UQCC6: variants seen among roughly 807,000 people sequenced by gnomAD.
UQCC6 encodes the protein protein BRAWNIN.
chr12:103,950,385 C>T, the UQCC6 span: 1 of 152,252 alleles, frequency 6.6e-6, no homozygotes, highest in Non-Finnish European at 1.5e-5. Context: ...GACAGTGTCC[C>T]TAAACCCCAT....
At chr12:103,961,380 G>A in the UQCC6 span, among the ~76,000 whole-genome samples, 3 of 152,150 alleles carry the variant, frequency 2.0e-5, no homozygotes, top group African/African-American at 7.2e-5. Flanking sequence ...AATAAACTTA[G>A]TGTAGCCTAG....
the UQCC6 span, chr12:103,951,543 G>C: frequency 6.5e-7 from 1 of 1,541,506 alleles, no homozygotes; most frequent in African/African-American, 1.4e-5. Context: ...TCCTCCTGTT[G>C]AGAAACTTGA....
the UQCC6 span, among the ~76,000 whole-genome samples, chr12:103,964,775 T>C: frequency 6.6e-6 from 1 of 152,228 alleles, no homozygotes; most frequent in African/African-American, 2.4e-5. Context: ...ATATATTCAT[T>C]GAATATTTAC....
At chr12:103,953,399 G>A in the UQCC6 span, 1 of 702,212 alleles carries the variant, frequency 1.4e-6, no homozygotes. Flanking sequence ...AGCTGAGCTG[G>A]ACAACTAAAA....
At chr12:103,951,642 A>AC in the UQCC6 span, 1 of 1,451,666 alleles carries the variant, frequency 6.9e-7, no homozygotes, top group Non-Finnish European at 9.4e-7. Flanking sequence ...TGCAAAAAAA[A>AC]CAAAACAAAA....
the UQCC6 span, among the ~76,000 whole-genome samples, chr12:103,961,925 C>T: frequency 1.3e-5 from 2 of 152,126 alleles, no homozygotes; most frequent in Non-Finnish European, 2.9e-5. Context: ...GTTACAATTG[C>T]CTACAGTATT....
the UQCC6 span, chr12:103,951,516 G>C: frequency 1.4e-6 from 2 of 1,411,110 alleles, no homozygotes; most frequent in East Asian, 5.0e-5. Context: ...CAGAATTCTT[G>C]GCATAGTTAT....
the UQCC6 span, chr12:103,957,036 C>A: frequency 2.5e-6 from 1 of 406,480 alleles, no homozygotes; most frequent in South Asian, 3.0e-5. Context: ...AGCGGAAAAC[C>A]GATACCAGGT....
the UQCC6 span, among the ~76,000 whole-genome samples, chr12:103,965,276 T>G: frequency 6.6e-6 from 1 of 152,072 alleles, no homozygotes; most frequent in Admixed American, 6.5e-5. Flanking sequence ...AAAGAGGGGT[T>G]AGTCTGTAAG....
At chr12:103,956,562 G>C in the UQCC6 span, 11 of 1,054,922 alleles carry the variant, frequency 1.0e-5, no homozygotes, top group Non-Finnish European at 1.4e-5. Context: ...AATGCCTAAG[G>C]CTGGGTAATT....
the UQCC6 span, among the ~76,000 whole-genome samples, chr12:103,959,027 G>C: frequency 6.6e-6 from 1 of 152,150 alleles, no homozygotes; most frequent in Non-Finnish European, 1.5e-5. Flanking sequence ...TTCCCAAAAA[G>C]AAACACTGCG....
At chr12:103,957,939 TTTATA>T in the UQCC6 span, among the ~76,000 whole-genome samples, 6 of 145,684 alleles carry the variant, frequency 4.1e-5, no homozygotes, top group African/African-American at 7.5e-5. Flanking sequence ...TTATACATAT[TTTATA>T]TTATATATTT....
the UQCC6 span, among the ~76,000 whole-genome samples, chr12:103,963,966 T>C: frequency 6.6e-6 from 1 of 151,970 alleles, no homozygotes; most frequent in Non-Finnish European, 1.5e-5. Flanking sequence ...TGTTTCCAGA[T>C]TGCTAAAAGC....
chr12:103,951,362 A>C, the UQCC6 span: 332 of 501,776 alleles, frequency 6.6e-4, no homozygotes, highest in African/African-American at 5.8e-3. Flanking sequence ...AAGAAATATC[A>C]ATCAAACCGT....
At chr12:103,953,468 G>A in the UQCC6 span, 1 of 702,312 alleles carries the variant, frequency 1.4e-6, no homozygotes. Context: ...AGTCATCATG[G>A]TCTCCTCTGC....
chr12:103,960,581 A>C, the UQCC6 span, among the ~76,000 whole-genome samples: 1 of 152,210 alleles, frequency 6.6e-6, no homozygotes, highest in African/African-American at 2.4e-5. Context: ...GTGGAAAAAA[A>C]CACAAAAACA....
chr12:103,963,074 CTTTT>C, the UQCC6 span, among the ~76,000 whole-genome samples: 32 of 138,228 alleles, frequency 2.3e-4, no homozygotes, highest in Admixed American at 3.6e-4. Context: ...TAATACTACA[CTTTT>C]TTTTTTTTTT....
the UQCC6 span, chr12:103,955,589 A>G: frequency 2.8e-6 from 1 of 356,094 alleles, no homozygotes; most frequent in Non-Finnish European, 5.5e-6. Flanking sequence ...AGCTGATTGC[A>G]CCACTGCACT....
chr12:103,954,263 G>T, the UQCC6 span, among the ~76,000 whole-genome samples: 1 of 152,240 alleles, frequency 6.6e-6, no homozygotes, highest in African/African-American at 2.4e-5. Context: ...AACTGTGTGT[G>T]TACACATGCA....
Sources: gnomAD v4.1 joint callset for allele counts (sites outside exome capture counted in the v4.1 genomes callset) on GRCh38, gnomAD v4.1.1 for gene constraint, MANE v1.5 for transcripts, NCBI Gene and HGNC (gene_info 2026-07-23, HGNC 2026-07-21) for gene names.